The following GDF1 variants were observed in gnomAD, a reference collection of about 807,000 sequenced individuals.
The protein encoded by GDF1 is embryonic growth/differentiation factor 1.
GDF1 carries 8 observed loss-of-function variants against 7.4 expected under a neutral mutation model. The ratio of observed to expected loss-of-function variants is 1.09; its 90% CI spans 0.64 to 1.96. The LOEUF (loss-of-function observed/expected upper bound fraction) is 1.96, where lower values mean the gene tolerates loss of function less well. Among genes scored for constraint, GDF1 ranks in the 30% most tolerant of loss-of-function variants. The pLI is 0.00. For missense variants in GDF1, 574 were observed against 551.5 expected (o/e 1.04, Z -0.41); for synonymous variants, 311 against 276.7 (o/e 1.12, Z -1.23).
chr19:18,884,392 C>T (rs4808165), intron 2 of GDF1, 125 bp from the exon 3 acceptor site: 666,098 of 791,794 alleles, frequency 0.84, 281,116 homozygotes, highest in Admixed American at 0.89. Flanking sequence ...GCGTGTCTGA[C>T]TGCTGGCTTT....
At position 18,895,789 on chromosome 19, in the gene GDF1, G is replaced by A. The variant is rs2146083630; in HGVS notation, c.-1074+35C>T. The A allele has an allele frequency of 1.7e-6, 2 of 1,159,326 alleles. No homozygotes were observed. Among genetic ancestry groups the A allele is most frequent in the African/African-American group, 3.3e-5 (2 of 59,976 alleles). 71.8% of individuals were successfully genotyped at this position (1,159,326 alleles called of 1,614,324 possible). A position where few individuals can be genotyped will look rare whatever the true frequency, so the allele number is the denominator to read the frequency against. ...CCCCGGTCCCGGCTTCCCCCAGTCC[G>A]GGGTCCCCTCGTCCCGGCCCCCGGC... On this transcript the variant is annotated intron_variant, in intron 1 of 7. Transcript: ENST00000247005. This position sits in a 1 kb window ranked among gnomAD's most constrained non-coding sequence, Gnocchi z 6.4.
chr19:18,889,785 C>T (rs2056448537), intron 2 of GDF1, among the ~76,000 whole-genome samples: 1 of 152,068 alleles, frequency 6.6e-6, no homozygotes, highest in African/African-American at 2.4e-5. Context: ...CAATGCCACC[C>T]CTGCCTTGTC....
At chr19:18,882,196 C>T (rs879161816) in intron 3 of GDF1, 1 of 154,328 alleles carries the variant, frequency 6.5e-6, no homozygotes, top group African/African-American at 2.4e-5. Context: ...TCTAGAGAGC[C>T]TTGAATTATA....
chr19:18,884,410 C>A, intron 2 of GDF1, 143 bp from the exon 3 acceptor site: 2 of 730,414 alleles, frequency 2.7e-6, no homozygotes, highest in Non-Finnish European at 4.2e-6. Context: ...TTTCCATTCC[C>A]AATTCTATTT....
intron 2 of GDF1, 73 bp from the exon 3 acceptor site, chr19:18,884,340 C>A: frequency 7.0e-7 from 1 of 1,428,690 alleles, no homozygotes; most frequent in Non-Finnish European, 9.4e-7. Context: ...CCCGGTGACA[C>A]CCTCCAAGCC....
intron 2 of GDF1, among the ~76,000 whole-genome samples, chr19:18,888,132 G>A (rs1235736269): frequency 6.6e-6 from 1 of 152,160 alleles, no homozygotes; most frequent in Non-Finnish European, 1.5e-5. Context: ...GGCCAAGGTG[G>A]GTGGATCACT....
At chr19:18,871,223 A>ATTTTT (rs572877061) in intron 6 of GDF1, among the ~76,000 whole-genome samples, 2 of 119,834 alleles carry the variant, frequency 1.7e-5, no homozygotes, top group Non-Finnish European at 3.5e-5. Flanking sequence ...ACTCCCAGCA[A>ATTTTT]TTTTTTTTTT....
intron 3 of GDF1, chr19:18,881,772 C>CTCA (rs1413378694): frequency 2.6e-5 from 4 of 152,200 alleles, no homozygotes; most frequent in African/African-American, 9.7e-5. Context: ...TCAGTCTCTG[C>CTCA]TCATCTGCTC....
chr19:18,883,749 T>C (rs537538661), intron 3 of GDF1, among the ~76,000 whole-genome samples: 83 of 152,088 alleles, frequency 5.5e-4, no homozygotes, highest in Non-Finnish European at 6.8e-4. Flanking sequence ...GCGTGGCAGG[T>C]GCTCAGGAAC....
At chr19:18,885,438 C>T (rs1000275000) in intron 2 of GDF1, among the ~76,000 whole-genome samples, 14 of 151,936 alleles carry the variant, frequency 9.2e-5, no homozygotes, top group African/African-American at 3.4e-4. Flanking sequence ...CTCAAGCAAT[C>T]CTCCTGCCTT....
chr19:18,869,134 C>T lies in GDF1; in HGVS notation c.582G>A (p.Val194=), dbSNP rs1467691365. 1 of 1,103,686 alleles carries T rather than the reference C, an allele frequency of 9.1e-7. No individual in the cohort carries two copies. Among genetic ancestry groups the T allele is most frequent in the South Asian group, 3.3e-5 (1 of 30,610 alleles). 68.4% of individuals were successfully genotyped at this position (1,103,686 alleles called of 1,614,324 possible). The change falls in exon 8 of 8, where the codon GTG becomes GTA. Residue 194 remains valine, a synonymous_variant. Coordinates refer to ENST00000247005, the MANE Select transcript of GDF1 (RefSeq NM_001492.6). The part of the protein sequence containing the change: ...RQLVPALGPP[V]RAELLGAAWA... ...AAGCGGCGCCCAGCAGCTCCGCGCG[C>T]ACTGGCGGCCCCAGGGCGGGCACCA...
Position 18,879,045 on chromosome 19 carries a change from A to T in GDF1, c.-422-6T>A, listed in dbSNP as rs1470403378. ...GCTGCAAACGCCACGATGTACTGCGAGAGGGGAGGGGAGGTGCCAGTGAGA... is the reference window on the plus strand; with the variant it reads ...GCTGCAAACGCCACGATGTACTGCGTGAGGGGAGGGGAGGTGCCAGTGAGA... On this transcript the variant is annotated splice_polypyrimidine_tract_variant and splice_region_variant and intron_variant, in intron 5 of 7. Coordinates refer to ENST00000247005, the MANE Select transcript of GDF1 (RefSeq NM_001492.6). The T allele has an allele frequency of 1.9e-6, 3 of 1,612,906 alleles. No homozygotes were observed. The highest frequency in any genetic ancestry group is 2.5e-6 in the Non-Finnish European group (3 of 1,179,754).
At chr19:18,880,770 C>A (rs1157197261) in intron 3 of GDF1, among the ~76,000 whole-genome samples, 1 of 151,974 alleles carries the variant, frequency 6.6e-6, no homozygotes, top group African/African-American at 2.4e-5. Flanking sequence ...GTGATCGGGC[C>A]CACTGCAGCC....
chr19:18,893,473 A>T lies in GDF1; in HGVS notation c.-971T>A. Reference sequence around the variant, plus strand: ...GGGTAGTCGGTGCCAAACAGCAGGTAGGCACTGTAGCTCCAGCTGCCCAGG... The same window carrying T: ...GGGTAGTCGGTGCCAAACAGCAGGTTGGCACTGTAGCTCCAGCTGCCCAGG... On this transcript the variant is annotated 5_prime_UTR_variant, in exon 2 of 8. Transcript: ENST00000247005. 6.2e-7 allele frequency: 1 copy of T among 1,607,312 alleles called. No homozygotes were observed. Among genetic ancestry groups the T allele is most frequent in the South Asian group, 1.1e-5 (1 of 89,592 alleles).
rs578136748 is a variant in GDF1, at chr19:18,870,066, G to C, written c.242C>G (p.Thr81Arg). The C allele has an allele frequency of 1.3e-6, 2 of 1,583,828 alleles. No homozygotes were observed. The highest frequency in any genetic ancestry group is 2.3e-5 in the East Asian group (1 of 43,678). ...PQETRSGSRR[T>R]SPGVTLQPCH... ...CGGTTGCAGGGTGACCCCTGGGGAC[G>C]TCCGCCGCGAGCCAGACCTGGTCTC... is the stretch of plus-strand genomic sequence containing the variant. The change falls in exon 7 of 8, where the codon ACG becomes AGG. Residue 81 changes from threonine to arginine, a missense_variant. Thr to Arg is a moderately conservative substitution (Grantham distance 71). Transcript: ENST00000247005. The surrounding 1 kb of genome is among the most constrained non-coding windows in gnomAD (Gnocchi z 5.1).
Position 18,878,118 on chromosome 19 carries a change from G to A in GDF1, c.-313+812C>T, listed in dbSNP as rs913179458. 2.0e-5 allele frequency: 20 copies of A among 985,348 alleles called. No homozygotes were observed. Among genetic ancestry groups the A allele is most frequent in the African/African-American group, 5.2e-5 (3 of 57,178 alleles). 61.0% of individuals were successfully genotyped at this position (985,348 alleles called of 1,614,324 possible). A position where few individuals can be genotyped will look rare whatever the true frequency, so the allele number is the denominator to read the frequency against. ...GCTTCCCTGAAACCATCGTTCCCAC[G>A]TCACCGATGGCCCCCACCGGCCAAA... is the stretch of plus-strand genomic sequence containing the variant. On this transcript the variant is annotated intron_variant, in intron 6 of 7. Coordinates refer to ENST00000247005, the MANE Select transcript of GDF1 (RefSeq NM_001492.6). The surrounding 1 kb of genome is among the most constrained non-coding windows in gnomAD (Gnocchi z 4.6).
chr19:18,875,097 A>G (rs1053793238), intron 6 of GDF1, among the ~76,000 whole-genome samples: 13 of 151,974 alleles, frequency 8.6e-5, no homozygotes, highest in African/African-American at 2.9e-4. Context: ...TTAGCTGGAT[A>G]TGATGGTGGG....
At chr19:18,884,010 G>A in intron 3 of GDF1, 77 bp downstream of exon 3, 1 of 1,472,050 alleles carries the variant, frequency 6.8e-7, no homozygotes, top group Non-Finnish European at 9.2e-7. Context: ...GGCCTCCTCT[G>A]TGCCCCGCCG....
intron 2 of GDF1, 73 bp downstream of exon 2, chr19:18,893,343 T>C: frequency 1.3e-6 from 2 of 1,482,762 alleles, no homozygotes; most frequent in South Asian, 2.6e-5. Flanking sequence ...GCCTCATGAG[T>C]AGCTGGGACC....
Sources: allele counts gnomAD v4.1 joint callset (sites outside exome capture counted in the v4.1 genomes callset), GRCh38; gene constraint gnomAD v4.1.1; non-coding constraint Gnocchi (gnomAD v3.1); transcripts MANE v1.5; gene names NCBI Gene and HGNC (gene_info 2026-07-23, HGNC 2026-07-21).